The following ARHGAP23 variants were observed in gnomAD, a reference collection of about 807,000 sequenced individuals.
ARHGAP23 encodes rho GTPase-activating protein 23.
In ARHGAP23, 34 loss-of-function variants were observed where a neutral mutation model predicts 136.3. The observed-to-expected ratio is 0.25, with a 90% CI of 0.19 to 0.33. The LOEUF is 0.33. Among genes scored for constraint, ARHGAP23 ranks in the 10% least tolerant of loss-of-function variants. The pLI is 1.00. For synonymous variants in ARHGAP23, 832 were observed against 920.5 expected (o/e 0.90, Z 1.74); for missense variants, 1,808 against 2,139.0 (o/e 0.85, Z 3.05).
At chr17:38,448,608 C>CTGAGCTGT (rs1221283497) in intron 1 of ARHGAP23, among the ~76,000 whole-genome samples, 1 of 150,668 alleles carries the variant, frequency 6.6e-6, no homozygotes, top group East Asian at 1.9e-4. Flanking sequence ...GTGTCAGCCC[C>CTGAGCTGT]TGAGCTGTGC....
intron 1 of ARHGAP23, among the ~76,000 whole-genome samples, chr17:38,434,712 T>C (rs1458490848): frequency 6.6e-6 from 1 of 152,022 alleles, no homozygotes; most frequent in Non-Finnish European, 1.5e-5. Flanking sequence ...GGCCCGAGAG[T>C]GTTTCTGTCT....
chr17:38,434,105 G>A (rs528985013), intron 1 of ARHGAP23, among the ~76,000 whole-genome samples: 28 of 152,242 alleles, frequency 1.8e-4, no homozygotes, highest in East Asian at 9.7e-4. Flanking sequence ...GATTACAAGC[G>A]TGAGCCACCG....
chr17:38,499,362 G>A (rs1381648529), intron 22 of ARHGAP23, among the ~76,000 whole-genome samples: 1 of 152,180 alleles, frequency 6.6e-6, no homozygotes, highest in African/African-American at 2.4e-5. Flanking sequence ...CACCCCAATG[G>A]GCCGCCTCTT....
In ARHGAP23 at chr17:38,482,122, C is replaced by T. The variant is rs1218635076; in HGVS notation, c.2730C>T (p.Cys910=). The change falls in exon 15 of 24, where the codon TGC becomes TGT. Residue 910 remains cysteine (C), a synonymous_variant. Coordinates refer to ENST00000622683, the MANE Select transcript of ARHGAP23 (RefSeq NM_001199417.2). ...PRAFGVRLEE[C]QPATENQRVP... ...CGTTTGGGGTCAGGCTGGAGGAGTGCCAGCCAGCCACGGAGAACCAGGTGA... is the reference window on the plus strand; with the variant it reads ...CGTTTGGGGTCAGGCTGGAGGAGTGTCAGCCAGCCACGGAGAACCAGGTGA... 4 of 1,548,384 alleles carry T rather than the reference C, an allele frequency of 2.6e-6. No individual in the cohort carries two copies. The highest frequency in any genetic ancestry group is 2.0e-5 in the Admixed American group (1 of 50,288).
intron 1 of ARHGAP23, among the ~76,000 whole-genome samples, chr17:38,432,845 C>T (rs143728300): frequency 0.012 from 1,888 of 152,272 alleles, 23 homozygotes; most frequent in Non-Finnish European, 0.022. Context: ...CCAAACCAAA[C>T]GAAACAAAAA....
In ARHGAP23 at chr17:38,479,823, T is replaced by C; in HGVS notation, c.2569T>C (p.Phe857Leu). The part of the protein sequence containing the change: ...SRGLGGLKSE[F>L]LKQSAARGLR... ...CGGCCTGGGGGGCCTCAAGTCTGAG[T>C]TCCTCAAGCAGAGTGCGGCACGTGG... Residue 857 changes from phenylalanine (F) to leucine (L), a missense_variant, in exon 14 of 24, where the codon TTC becomes CTC. Physicochemically the swap from Phe to Leu is conservative, Grantham distance 22. Around this residue, in one of 7 missense-constraint regions of ARHGAP23, gnomAD observed 73 missense variants for 82.5 expected, o/e 0.88. Coordinates refer to ENST00000622683, the MANE Select transcript of ARHGAP23 (RefSeq NM_001199417.2). 6.5e-7 allele frequency: 1 copy of C among 1,535,260 alleles called. No homozygotes were observed. The highest frequency in any genetic ancestry group is 8.8e-7 in the Non-Finnish European group (1 of 1,139,552).
rs2039373012 is a variant in ARHGAP23 at position 38,458,133 on chromosome 17, C to G, written c.95C>G (p.Pro32Arg). ...LPLGPRDGCS[P>R]RRPFPWQGPR... ...CTGGGCCCAAGAGATGGGTGCTCTC[C>G]TAGGCGCCCCTTCCCCTGGCAGGGG... Residue 32 changes from proline (P) to arginine (R), a missense_variant, in exon 2 of 24, where the codon CCT becomes CGT. Physicochemically the swap from Pro to Arg is moderately radical, Grantham distance 103. Coordinates refer to ENST00000622683, the MANE Select transcript of ARHGAP23 (RefSeq NM_001199417.2). 1 of 1,536,020 alleles carries G rather than the reference C, an allele frequency of 6.5e-7. No individual in the cohort carries two copies. The highest frequency in any genetic ancestry group is 1.4e-5 in the African/African-American group (1 of 73,060).
At chr17:38,441,871 G>A (rs1018165431) in intron 1 of ARHGAP23, among the ~76,000 whole-genome samples, 2 of 152,302 alleles carry the variant, frequency 1.3e-5, no homozygotes, top group East Asian at 1.9e-4. Context: ...AGGAGGGCTC[G>A]TGGCTGGAGT....
At chr17:38,457,063 C>T (rs1036520210) in intron 1 of ARHGAP23, among the ~76,000 whole-genome samples, 1 of 152,230 alleles carries the variant, frequency 6.6e-6, no homozygotes, top group Non-Finnish European at 1.5e-5. Context: ...GCGCCAGCCA[C>T]CATGCCCGGC....
Position 38,469,434 on chromosome 17 carries a change from C to T in ARHGAP23, c.1805-90C>T, listed in dbSNP as rs1471059289. ...CTCCTGCGGCCCCTTGGGAGAGTCA[C>T]CTCCTGCCCCTGCCCAGAAGGGAGG... On this transcript the variant is annotated intron_variant, in intron 8 of 23. Coordinates refer to ENST00000622683, the MANE Select transcript of ARHGAP23 (RefSeq NM_001199417.2). 39 of 1,464,064 alleles carry T rather than the reference C, an allele frequency of 2.7e-5. No individual in the cohort carries two copies. The South Asian group carries it at 4.9e-4, about 19-fold the overall frequency. 90.7% of individuals were successfully genotyped at this position (1,464,064 alleles called of 1,614,324 possible).
At chr17:38,438,630 G>A (rs1241434093) in intron 1 of ARHGAP23, among the ~76,000 whole-genome samples, 2 of 150,308 alleles carry the variant, frequency 1.3e-5, no homozygotes, top group Admixed American at 6.7e-5. Context: ...GGAGGCAGCA[G>A]ACCAGGTGAA....
At position 38,466,328 on chromosome 17, in the gene ARHGAP23, G is replaced by T; in HGVS notation, c.645G>T (p.Leu215=). The change falls in exon 7 of 24, where the codon CTG becomes CTT. Residue 215 remains leucine (L), a synonymous_variant. Transcript: ENST00000622683. Reference sequence around the variant, plus strand: ...TGGTGCCTGAGCCCACCTCAGCACTGCCCAGTGACCCCCGGAGTCCTGCTG... The same window carrying T: ...TGGTGCCTGAGCCCACCTCAGCACTTCCCAGTGACCCCCGGAGTCCTGCTG... ...ATMVPEPTSA[L]PSDPRSPAAW... The T allele has an allele frequency of 1.3e-6, 2 of 1,544,526 alleles. No homozygotes were observed. Among genetic ancestry groups the T allele is most frequent in the East Asian group, 2.4e-5 (1 of 40,868 alleles).
chr17:38,448,465 A>C (rs558450701), intron 1 of ARHGAP23, among the ~76,000 whole-genome samples: 28 of 152,246 alleles, frequency 1.8e-4, no homozygotes, highest in African/African-American at 6.5e-4. Flanking sequence ...TTGAGGTGGA[A>C]ATACATGTCA....
intron 23 of ARHGAP23, among the ~76,000 whole-genome samples, chr17:38,508,910 G>A (rs2040692107): frequency 6.6e-6 from 1 of 152,058 alleles, no homozygotes; most frequent in Non-Finnish European, 1.5e-5. Context: ...TGAGTGTGGT[G>A]TTGGACAGGG....
chr17:38,448,857 C>CTTT lies in ARHGAP23; in HGVS notation c.64-9245_64-9244insTTT, dbSNP rs1567782919. On this transcript the variant is annotated intron_variant, in intron 1 of 23. Transcript: ENST00000622683. ...GATGGGGTCTTGCCAAGTTGCCCAG[C>CTTT]CTTTTTTTTTTTTTTTTTGAGACCG... 3.3e-3 allele frequency among the ~76,000 whole-genome samples: 412 copies of CTTT among 126,180 alleles called. 4 individuals carry two copies. Among genetic ancestry groups the CTTT allele is most frequent in the African/African-American group, 0.015 (399 of 26,830 alleles). The allele number at this position is 126,180 out of a possible 152,430, so 82.8% of individuals were successfully genotyped here. A position where few individuals can be genotyped will look rare whatever the true frequency, so the allele number is the denominator to read the frequency against.
At position 38,477,530 on chromosome 17, in the gene ARHGAP23, A is replaced by G; in HGVS notation, c.2119-49A>G. On this transcript the variant is annotated intron_variant, in intron 11 of 23. Coordinates refer to ENST00000622683, the MANE Select transcript of ARHGAP23 (RefSeq NM_001199417.2). The surrounding 1 kb of genome is among the most constrained non-coding windows in gnomAD (Gnocchi z 6.6). ...TGCTACTCTGAGAGCAGTGGGCAAA[A>G]CTGGCCTCTCACCATTCCTGTCTCC... is the stretch of plus-strand genomic sequence containing the variant. 1 of 1,215,314 alleles carries G rather than the reference A, an allele frequency of 8.2e-7. No homozygotes were observed. The highest frequency in any genetic ancestry group is 1.0e-6 in the Non-Finnish European group (1 of 972,146). The allele number at this position is 1,215,314 out of a possible 1,614,324, so 75.3% of individuals were successfully genotyped here. A position where few individuals can be genotyped will look rare whatever the true frequency, so the allele number is the denominator to read the frequency against.
At position 38,482,022 on chromosome 17, in the gene ARHGAP23, A is replaced by T. The variant is rs1417608849; in HGVS notation, c.2630A>T (p.Asp877Val). 6.5e-7 allele frequency: 1 copy of T among 1,527,958 alleles called. No homozygotes were observed. Among genetic ancestry groups the T allele is most frequent in the Non-Finnish European group, 8.8e-7 (1 of 1,138,738 alleles). 94.7% of individuals were successfully genotyped at this position (1,527,958 alleles called of 1,614,324 possible). Reference sequence around the variant, plus strand: ...TCTGGCTCTGTCTCCCCCACTTCAGATGACAGTGCTGCAGCCCCCAAAACC... The same window carrying T: ...TCTGGCTCTGTCTCCCCCACTTCAGTTGACAGTGCTGCAGCCCCCAAAACC... ...RTQDLPAGSK[D>V]DSAAAPKTPW... Residue 877 changes from aspartate to valine, a missense_variant and splice_region_variant, in exon 15 of 24, where the codon GAT becomes GTT. Around this residue, in one of 7 missense-constraint regions of ARHGAP23, gnomAD observed 73 missense variants for 82.5 expected, o/e 0.88. Coordinates refer to ENST00000622683, the MANE Select transcript of ARHGAP23 (RefSeq NM_001199417.2).
intron 11 of ARHGAP23, among the ~76,000 whole-genome samples, chr17:38,475,155 GCCGTGGGCA>G (rs2039863364): frequency 2.0e-5 from 3 of 152,340 alleles, no homozygotes; most frequent in Admixed American, 6.5e-5. Flanking sequence ...GTCCACCCAG[GCCGTGGGCA>G]CCCTCTCTGT....
rs138699241 is a variant in ARHGAP23 at position 38,467,497 on chromosome 17, G to A, written c.1648+166G>A. Reference sequence around the variant, plus strand: ...CATCTGTTCATCCATCCATCCATCTGTTCTTCCATCTTTCTTTCTGTTCTC... The same window carrying A: ...CATCTGTTCATCCATCCATCCATCTATTCTTCCATCTTTCTTTCTGTTCTC... On this transcript the variant is annotated intron_variant, in intron 7 of 23. Coordinates refer to ENST00000622683, the MANE Select transcript of ARHGAP23 (RefSeq NM_001199417.2). 3.3e-3 allele frequency among the ~76,000 whole-genome samples: 498 copies of A among 152,234 alleles called. 2 individuals are homozygous for A. The highest frequency in any genetic ancestry group is 0.012 in the African/African-American group (481 of 41,528).
Sources: gnomAD v4.1 joint callset for allele counts (sites outside exome capture counted in the v4.1 genomes callset) on GRCh38, gnomAD v4.1.1 for gene constraint, gnomAD v4.1.1 regional missense constraint, Gnocchi (gnomAD v3.1) non-coding constraint, MANE v1.5 for transcripts, NCBI Gene and HGNC (gene_info 2026-07-23, HGNC 2026-07-21) for gene names.